Variants in EP300 observed in about 807,000 individuals in gnomAD.
The protein encoded by EP300 is histone acetyltransferase p300.
A neutral mutation model predicts 264.0 loss-of-function variants in EP300; 31 were observed. That is an observed-to-expected ratio of 0.12 (90% CI 0.09 to 0.16). The LOEUF is 0.16. EP300 is among the 10% of genes least tolerant of loss of function. The pLI, the probability that EP300 is intolerant of heterozygous loss-of-function variation, is 1.00. For synonymous variants in EP300, 1,340 were observed against 1,045.4 expected (o/e 1.28, Z -5.44); for missense variants, 2,766 against 3,052.9 (o/e 0.91, Z 2.21).
At chr22:41,131,244 A>G in intron 5 of EP300, 144 bp from the exon 6 acceptor site, 2 of 971,024 alleles carry the variant, frequency 2.1e-6, no homozygotes, top group Admixed American at 2.1e-5. Context: ...AATTTCTTCC[A>G]GGAAATAATG....
In EP300 at chr22:41,125,891, T is replaced by C. The variant is rs1281969693; in HGVS notation, c.757T>C (p.Tyr253His). 5.0e-6 allele frequency: 8 copies of C among 1,614,090 alleles called. No homozygotes were observed. Among genetic ancestry groups the C allele is most frequent in the Non-Finnish European group, 6.8e-6 (8 of 1,180,038 alleles). Residue 253 changes from tyrosine to histidine, a missense_variant, in exon 3 of 31, where the codon TAT (tyrosine) becomes CAT (histidine). Transcript: ENST00000263253. ...GGGAATGATGAACAACCCCAATCCTTATGGTTCACCATATACTCAGAATCC... is the reference window on the plus strand; with the variant it reads ...GGGAATGATGAACAACCCCAATCCTCATGGTTCACCATATACTCAGAATCC... ...KMGMMNNPNP[Y>H]GSPYTQNPGQ... is the part of the protein sequence containing the mutation.
intron 14 of EP300, among the ~76,000 whole-genome samples, chr22:41,151,152 G>A (rs1363917272): frequency 6.6e-6 from 1 of 152,100 alleles, no homozygotes; most frequent in Non-Finnish European, 1.5e-5. Context: ...TTGATGAACT[G>A]AGAAGTTCCA....
intron 6 of EP300, among the ~76,000 whole-genome samples, chr22:41,134,086 A>G (rs1392155001): frequency 6.9e-6 from 1 of 144,794 alleles, no homozygotes; most frequent in Admixed American, 6.8e-5. Flanking sequence ...GACCATTTCT[A>G]TTTTAATATT....
intron 2 of EP300, among the ~76,000 whole-genome samples, chr22:41,122,157 CTTTTTTTTT>C (rs71328774): frequency 5.6e-5 from 2 of 35,874 alleles, no homozygotes; most frequent in African/African-American, 7.0e-5. Flanking sequence ...TCTTCTTCTT[CTTTTTTTTT>C]TTTTTTTTTT....
chr22:41,141,000 A>G (rs1184923046), intron 9 of EP300, 48 bp from the exon 10 acceptor site: 3 of 1,554,334 alleles, frequency 1.9e-6, no homozygotes, highest in Non-Finnish European at 1.8e-6. Context: ...ACCTGGTGGT[A>G]GTTCCTTTTT....
rs767178802 is a variant in EP300, at chr22:41,177,328, TCTCAGC to T, written c.5626_5631del (p.Gln1876_Pro1877del). On this transcript the variant is annotated inframe_deletion, in exon 31 of 31. Transcript: ENST00000263253. ...CACCCCGCAGACGCCCCAGCCCACT[TCTCAGC>T]CTCAGCCTACCCCTCCCAATAGCAT... is the stretch of plus-strand genomic sequence containing the variant. The T allele has an allele frequency of 6.2e-6, 10 of 1,613,792 alleles. No individual in the cohort carries two copies. Among genetic ancestry groups the T allele is most frequent in the African/African-American group, 2.7e-5 (2 of 74,892 alleles).
At chr22:41,166,719 T>G (rs2059136603) in intron 23 of EP300, 53 bp downstream of exon 23, 4 of 1,239,796 alleles carry the variant, frequency 3.2e-6, no homozygotes, top group African/African-American at 1.5e-5. Context: ...GAAGCCTAGA[T>G]AAGAAACCAT....
chr22:41,155,782 T>C (rs1464983882), intron 17 of EP300, among the ~76,000 whole-genome samples: 1 of 152,248 alleles, frequency 6.6e-6, no homozygotes, highest in African/African-American at 2.4e-5. Context: ...GGTTCATCCA[T>C]GTTGTAGCAT....
intron 5 of EP300, among the ~76,000 whole-genome samples, chr22:41,130,215 C>T (rs1198550949): frequency 6.7e-6 from 1 of 149,270 alleles, no homozygotes; most frequent in Non-Finnish European, 1.5e-5. Flanking sequence ...CATGTTACTG[C>T]GCTCCAGCCT....
At position 41,121,041 on chromosome 22, in the gene EP300, C is replaced by T. The variant is rs2058849462; in HGVS notation, c.729+3220C>T. ...AAAATAGGCATGGCTCAGTAGTTCA[C>T]ATCTGTATTCCTACCGCTTTGGGAG... On this transcript the variant is annotated intron_variant, in intron 2 of 30. Coordinates refer to ENST00000263253, the MANE Select transcript of EP300 (RefSeq NM_001429.4). Among the ~76,000 whole-genome samples, 2 of 152,184 alleles carry T rather than the reference C, an allele frequency of 1.3e-5. 1 individual carries two copies. The highest frequency in any genetic ancestry group is 4.1e-4 in the South Asian group (2 of 4,826).
Position 41,180,064 on chromosome 22 carries a change from G to A in EP300, c.*1108G>A. On this transcript the variant is annotated 3_prime_UTR_variant, in exon 31 of 31. Transcript: ENST00000263253. ...CTTATTACCTATTGTTAAATAAACTGTGTGAGACAGACACCCTGACTTTGT... is the reference window on the plus strand; with the variant it reads ...CTTATTACCTATTGTTAAATAAACTATGTGAGACAGACACCCTGACTTTGT... 4.4e-6 allele frequency: 1 copy of A among 229,440 alleles called. No homozygotes were observed. Among genetic ancestry groups the A allele is most frequent in the Non-Finnish European group, 8.7e-6 (1 of 115,460 alleles). 14.2% of individuals were successfully genotyped at this position (229,440 alleles called of 1,614,324 possible). A position where few individuals can be genotyped will look rare whatever the true frequency, so the allele number is the denominator to read the frequency against.
rs144787962 is a variant in EP300, at chr22:41,178,618, C to T, written c.6907C>T (p.Leu2303Phe). 1.2e-5 allele frequency: 20 copies of T among 1,614,110 alleles called. No individual in the cohort carries two copies. The highest frequency in any genetic ancestry group is 1.6e-5 in the Non-Finnish European group (19 of 1,180,012). Residue 2303 changes from leucine (L) to phenylalanine (F), a missense_variant, in exon 31 of 31, where the codon CTC becomes TTC. Leu to Phe is a conservative substitution (Grantham distance 22). Transcript: ENST00000263253. ...ACAAGGCCAGCAGATCCCTAATTCT[C>T]TCTCCAATCAAGTGCGCTCTCCCCA... ...HLQGQQIPNS[L>F]SNQVRSPQPV...
At chr22:41,119,342 C>T (rs931936662) in intron 2 of EP300, among the ~76,000 whole-genome samples, 4 of 151,632 alleles carry the variant, frequency 2.6e-5, no homozygotes, top group African/African-American at 7.3e-5. Context: ...TTTAGATTGC[C>T]GTGTCAGTGT....
chr22:41,126,112 C>T (rs1462366919), intron 3 of EP300, 72 bp downstream of exon 3: 1 of 1,503,852 alleles, frequency 6.6e-7, no homozygotes. Flanking sequence ...AAACTTTCAC[C>T]CTTCTGTTAT....
intron 2 of EP300, among the ~76,000 whole-genome samples, chr22:41,122,352 G>A (rs1298803046): frequency 1.3e-5 from 2 of 151,824 alleles, no homozygotes; most frequent in Non-Finnish European, 2.9e-5. Flanking sequence ...TATTAGTAGA[G>A]ACAGGGTTTT....
chr22:41,145,794 G>A (rs1335835842), intron 10 of EP300, among the ~76,000 whole-genome samples: 5 of 151,564 alleles, frequency 3.3e-5, no homozygotes, highest in Admixed American at 6.6e-5. Flanking sequence ...CTGCCACCAC[G>A]CCCGGCTATT....
rs188429879 is a variant in EP300, at chr22:41,162,920, C to T, written c.3728+141C>T. Reference sequence around the variant, plus strand: ...AACATACATCTAATGGATAGTAAAACCATGGAAAACACTGAAGTACTAAGG... The same window carrying T: ...AACATACATCTAATGGATAGTAAAATCATGGAAAACACTGAAGTACTAAGG... On this transcript the variant is annotated intron_variant, in intron 21 of 30. Transcript: ENST00000263253. 3.1e-4 allele frequency: 226 copies of T among 725,732 alleles called. 1 individual carries two copies. The African/African-American group carries it at 3.6e-3, about 12-fold the overall frequency. The allele number at this position is 725,732 out of a possible 1,614,324, so 45.0% of individuals were successfully genotyped here. A position where few individuals can be genotyped will look rare whatever the true frequency, so the allele number is the denominator to read the frequency against.
intron 1 of EP300, among the ~76,000 whole-genome samples, chr22:41,110,776 A>G (rs1017785972): frequency 2.6e-5 from 4 of 151,718 alleles, no homozygotes; most frequent in Admixed American, 6.6e-5. Context: ...CATCTTGTCC[A>G]GTTTCTTGAC....
chr22:41,133,233 T>C (rs2058931100), intron 6 of EP300, among the ~76,000 whole-genome samples: 1 of 141,972 alleles, frequency 7.0e-6, no homozygotes, highest in Admixed American at 7.7e-5. Context: ...CTTGGCTCAC[T>C]GCAACTTCCG....
Sources: allele counts gnomAD v4.1 joint callset (sites outside exome capture counted in the v4.1 genomes callset), GRCh38; gene constraint gnomAD v4.1.1; transcripts MANE v1.5; gene names NCBI Gene and HGNC (gene_info 2026-07-23, HGNC 2026-07-21).